The following NLGN4Y variants were observed in gnomAD, a reference collection of about 807,000 sequenced individuals.
The protein encoded by NLGN4Y is neuroligin 4 Y-linked, also known as neuroligin-4, Y-linked.
A neutral mutation model predicts 8.4 loss-of-function variants in NLGN4Y; 4 were observed. That is an observed-to-expected ratio of 0.48 (90% CI 0.23 to 1.09). The LOEUF is 1.09. Ranked by LOEUF, NLGN4Y falls within the 50% of genes least tolerant of loss-of-function variation. The probability of loss-of-function intolerance (pLI) is 0.19; values close to 1 mark genes in which losing one functional copy is unlikely to be tolerated. For synonymous variants in NLGN4Y, 35 were observed against 75.6 expected (o/e 0.46, Z 2.78); for missense variants, 90 against 192.3 (o/e 0.47, Z 3.15).
intron 1 of NLGN4Y, among the ~76,000 whole-genome samples, chrY:14,538,314 C>T (rs1212765700): frequency 2.9e-5 from 1 of 34,107 alleles, no homozygotes; most frequent in Non-Finnish European, 7.3e-5. Flanking sequence ...TTAACATATC[C>T]GCTTATGTCA....
chrY:14,724,939 G>A (rs924056555), intron 4 of NLGN4Y, among the ~76,000 whole-genome samples: 2 of 32,954 alleles, frequency 6.1e-5, no homozygotes, highest in Non-Finnish European at 7.5e-5. Flanking sequence ...ACCTTGCCAG[G>A]CCTCCTTTCC....
chrY:14,804,784 A>G (rs935897206), intron 4 of NLGN4Y, among the ~76,000 whole-genome samples: 4 of 33,459 alleles, frequency 1.2e-4, no homozygotes, highest in Non-Finnish European at 2.2e-4. Context: ...TAGGAATTAC[A>G]TTCTCATCAA....
At chrY:14,588,203 T>G (rs2150489636) in intron 1 of NLGN4Y, among the ~76,000 whole-genome samples, 1 of 33,996 alleles carries the variant, frequency 2.9e-5, no homozygotes, top group East Asian at 7.6e-4. Context: ...TTAGTTCATT[T>G]TCATGCTGCT....
rs770359202 is a variant in NLGN4Y, at chrY:14,641,744, G to A, written c.472+19153G>A. On this transcript the variant is annotated intron_variant, in intron 2 of 6. Coordinates refer to ENST00000684976, the MANE Select transcript of NLGN4Y (RefSeq NM_001365588.1). ...TCTCTCAGTACCCACTGTTCTGTCCGTGGCAAAGCTCTCCTGACACATTTT... is the reference window on the plus strand; with the variant it reads ...TCTCTCAGTACCCACTGTTCTGTCCATGGCAAAGCTCTCCTGACACATTTT... 2.1e-4 allele frequency among the ~76,000 whole-genome samples: 7 copies of A among 33,415 alleles called. No homozygotes were observed. In the East Asian group the frequency reaches 4.0e-3, roughly 19 times the overall value. The allele number at this position is 33,415 out of a possible 37,273, so 89.6% of individuals were successfully genotyped here.
At chrY:14,763,411 G>A in intron 4 of NLGN4Y, among the ~76,000 whole-genome samples, 1 of 33,007 alleles carries the variant, frequency 3.0e-5, no homozygotes, top group South Asian at 6.8e-4. Flanking sequence ...GGGGAGGATA[G>A]GTGAAGAAAA....
At chrY:14,574,286 G>A (rs2080287703) in intron 1 of NLGN4Y, among the ~76,000 whole-genome samples, 1 of 33,266 alleles carries the variant, frequency 3.0e-5, no homozygotes, top group Non-Finnish European at 7.4e-5. Context: ...CCCTGTATTG[G>A]GTGCATATGT....
chrY:14,745,117 C>T, intron 4 of NLGN4Y, among the ~76,000 whole-genome samples: 1 of 33,544 alleles, frequency 3.0e-5, no homozygotes, highest in Non-Finnish European at 7.4e-5. Flanking sequence ...GAAATATTAA[C>T]AAAAACATTC....
chrY:14,678,117 G>A (rs112041831), intron 2 of NLGN4Y, among the ~76,000 whole-genome samples: 4 of 33,505 alleles, frequency 1.2e-4, no homozygotes, highest in African/African-American at 4.6e-4. Flanking sequence ...TGAATGAAAT[G>A]ATAGTTTGCC....
chrY:14,654,511 C>CT (rs2080641843), intron 2 of NLGN4Y, among the ~76,000 whole-genome samples: 1 of 29,157 alleles, frequency 3.4e-5, no homozygotes, highest in African/African-American at 1.3e-4. Context: ...TAAACTTTAA[C>CT]TTTTTTTTTT....
At chrY:14,718,622 A>G in intron 2 of NLGN4Y, among the ~76,000 whole-genome samples, 1 of 33,829 alleles carries the variant, frequency 3.0e-5, no homozygotes, top group Non-Finnish European at 7.4e-5. Context: ...CATTTTGCCT[A>G]TATTAAATTT....
intron 1 of NLGN4Y, among the ~76,000 whole-genome samples, chrY:14,567,677 A>T: frequency 7.8e-5 from 2 of 25,676 alleles, no homozygotes; most frequent in Non-Finnish European, 1.7e-4. Flanking sequence ...ACAGGTATAC[A>T]AGTGTGTGCC....
chrY:14,678,257 G>A (rs2150532141), intron 2 of NLGN4Y, among the ~76,000 whole-genome samples: 1 of 33,014 alleles, frequency 3.0e-5, no homozygotes, highest in East Asian at 8.1e-4. Context: ...TGTGTTAATT[G>A]TTGAGAATGT....
chrY:14,565,841 C>G (rs2080249765), intron 1 of NLGN4Y, among the ~76,000 whole-genome samples: 1 of 32,565 alleles, frequency 3.1e-5, no homozygotes, highest in African/African-American at 1.2e-4. Context: ...ACCCTACAAG[C>G]CAGAAGAGAG....
intron 2 of NLGN4Y, among the ~76,000 whole-genome samples, chrY:14,667,987 G>A: frequency 3.0e-5 from 1 of 33,214 alleles, no homozygotes; most frequent in Non-Finnish European, 7.4e-5. Flanking sequence ...TTTAAGCAGG[G>A]CTCTGTCAAA....
intron 2 of NLGN4Y, among the ~76,000 whole-genome samples, chrY:14,681,659 T>G (rs1001601422): frequency 2.9e-5 from 1 of 34,141 alleles, no homozygotes; most frequent in Non-Finnish European, 7.3e-5. Context: ...AAATGGTGCA[T>G]CTCATGTCAT....
intron 2 of NLGN4Y, among the ~76,000 whole-genome samples, chrY:14,628,677 C>T (rs1603501658): frequency 1.2e-4 from 4 of 33,926 alleles, no homozygotes; most frequent in East Asian, 7.6e-4. Context: ...AGCAGCTTGG[C>T]GCCAATCGTT....
At chrY:14,590,255 G>A in intron 1 of NLGN4Y, among the ~76,000 whole-genome samples, 1 of 34,209 alleles carries the variant, frequency 2.9e-5, no homozygotes, top group Non-Finnish European at 7.4e-5. Flanking sequence ...GGGGCTGAAG[G>A]GCCCCTCAAA....
chrY:14,558,844 G>C (rs1034145132), intron 1 of NLGN4Y, among the ~76,000 whole-genome samples: 1 of 33,169 alleles, frequency 3.0e-5, no homozygotes. Flanking sequence ...TGCCTAAGGG[G>C]GTTGAGCATG....
rs1371787694 is a variant in NLGN4Y at position 14,842,648 on chromosome Y, T to C, written c.*1386T>C. ...TAAAACATATGCTTGTCTGAAAATA[T>C]CACCTTTTGTGGATTTATCTGATCA... On this transcript the variant is annotated 3_prime_UTR_variant, in exon 7 of 7. Transcript: ENST00000684976. 2 of 122,093 alleles carry C rather than the reference T, an allele frequency of 1.6e-5. No homozygotes were observed. The highest frequency in any genetic ancestry group is 2.0e-4 in the Admixed American group (2 of 9,925). The allele number at this position is 122,093 out of a possible 400,897, so 30.5% of individuals were successfully genotyped here. A position where few individuals can be genotyped will look rare whatever the true frequency, so the allele number is the denominator to read the frequency against.
Sources: gnomAD v4.1 joint callset for allele counts (sites outside exome capture counted in the v4.1 genomes callset) on GRCh38, gnomAD v4.1.1 for gene constraint, MANE v1.5 for transcripts, NCBI Gene and HGNC (gene_info 2026-07-23, HGNC 2026-07-21) for gene names.